SLFN12L: variants seen among roughly 807,000 people sequenced by gnomAD.
The protein encoded by SLFN12L is schlafen family member 12 like.
SLFN12L carries 34 observed loss-of-function variants against 34.8 expected under a neutral mutation model. The ratio of observed to expected loss-of-function variants is 0.98; its 90% CI spans 0.74 to 1.30. SLFN12L has a LOEUF of 1.30. Among genes scored for constraint, SLFN12L ranks in the 50% most tolerant of loss-of-function variants. SLFN12L has a pLI of 0.00. For missense variants in SLFN12L, 703 were observed against 696.2 expected (o/e 1.01, Z -0.11); for synonymous variants, 259 against 247.5 (o/e 1.05, Z -0.44).
At chr17:35,512,100 G>A (rs1174110782) in intron 2 of SLFN12L, among the ~76,000 whole-genome samples, 1 of 151,668 alleles carries the variant, frequency 6.6e-6, no homozygotes, top group Non-Finnish European at 1.5e-5. Context: ...GTTAAGATGG[G>A]AACAGAAAGT....
chr17:35,481,867 T>C (rs1314620484), intron 2 of SLFN12L, among the ~76,000 whole-genome samples: 2 of 152,196 alleles, frequency 1.3e-5, no homozygotes, highest in African/African-American at 4.8e-5. Flanking sequence ...TTTGTTTTTG[T>C]TTTTGTTTTT....
Position 35,476,201 on chromosome 17 carries a change from C to G in SLFN12L, c.1277-716G>C, listed in dbSNP as rs572677861. Among the ~76,000 whole-genome samples, 63 of 152,072 alleles carry G rather than the reference C, an allele frequency of 4.1e-4. No homozygotes were observed. The South Asian group carries it at 0.012, about 28-fold the overall frequency. On this transcript the variant is annotated intron_variant, in intron 4 of 4. Coordinates refer to ENST00000628453, the MANE Select transcript of SLFN12L (RefSeq NM_001363830.2). ...GCCAGAGGAGCTGGGATTTCAGAAA[C>G]AAAATCCCAGAGAAGATGAAACTGA...
chr17:35,478,393 C>G (rs1294300629), intron 3 of SLFN12L: 1 of 372,550 alleles, frequency 2.7e-6, no homozygotes, highest in African/African-American at 2.2e-5. Flanking sequence ...TGCTGAAACA[C>G]TCTATACTTG....
chr17:35,476,750 C>A, intron 4 of SLFN12L, among the ~76,000 whole-genome samples: 1 of 145,712 alleles, frequency 6.9e-6, no homozygotes, highest in Non-Finnish European at 1.5e-5. Flanking sequence ...AACAAAACTT[C>A]AAAAGAGTAA....
intron 2 of SLFN12L, among the ~76,000 whole-genome samples, chr17:35,515,581 G>A (rs1000762481): frequency 7.3e-5 from 11 of 150,016 alleles, no homozygotes; most frequent in Admixed American, 7.3e-4. Flanking sequence ...CCATCCTTTC[G>A]CCTCAGCCTT....
At chr17:35,508,498 C>T (rs1915538169) in intron 2 of SLFN12L, among the ~76,000 whole-genome samples, 1 of 152,172 alleles carries the variant, frequency 6.6e-6, no homozygotes, top group South Asian at 2.1e-4. Flanking sequence ...AGACACCCGC[C>T]ACCATGCTGA....
In SLFN12L at chr17:35,468,669, C is replaced by T. The variant is rs1379411574; in HGVS notation, c.*6254G>A. 3.9e-5 allele frequency among the ~76,000 whole-genome samples: 6 copies of T among 152,194 alleles called. No homozygotes were observed. Among genetic ancestry groups the T allele is most frequent in the African/African-American group, 1.4e-4 (6 of 41,430 alleles). On this transcript the variant is annotated 3_prime_UTR_variant, in exon 5 of 5. Transcript: ENST00000628453. ...GCTCTCTGCCAAAACATACACCCCGCACTCCTATGCCTGAAGGAAAATTTA... is the reference window on the plus strand; with the variant it reads ...GCTCTCTGCCAAAACATACACCCCGTACTCCTATGCCTGAAGGAAAATTTA...
At chr17:35,514,602 G>A (rs981382154) in intron 2 of SLFN12L, among the ~76,000 whole-genome samples, 2 of 152,108 alleles carry the variant, frequency 1.3e-5, no homozygotes, top group Admixed American at 1.3e-4. Context: ...TTTTCACTGG[G>A]AAAAATAAAT....
rs777900276 is a variant in SLFN12L, at chr17:35,522,337, A to T, written c.28T>A (p.Cys10Ser). 3.7e-6 allele frequency: 6 copies of T among 1,614,228 alleles called. No homozygotes were observed. In the South Asian group the frequency reaches 5.5e-5, roughly 15 times the overall value. Residue 10 changes from cysteine to serine, a missense_variant, in exon 2 of 5, where the codon TGT becomes AGT. Physicochemically the swap from Cys to Ser is moderately radical, Grantham distance 112 (BLOSUM62 -1). Transcript: ENST00000628453. MEKIRNVFH[C>S]EAHRILYICE... ...ATGTAGAGAATTCTGTGTGCCTCAC[A>T]GTGAAACACATTCCTGATCTTCTCC...
At chr17:35,504,620 T>C (rs1915408034) in intron 2 of SLFN12L, among the ~76,000 whole-genome samples, 1 of 152,172 alleles carries the variant, frequency 6.6e-6, no homozygotes, top group Admixed American at 6.5e-5. Context: ...TTTTCCAGGA[T>C]TCTACAGCCT....
intron 2 of SLFN12L, chr17:35,498,236 G>T: frequency 1.3e-6 from 1 of 774,284 alleles, no homozygotes; most frequent in South Asian, 1.4e-5. Flanking sequence ...TGCGTACCGA[G>T]GAGATCCAGA....
Position 35,465,826 on chromosome 17 carries a change from C to T in SLFN12L, c.*9097G>A, listed in dbSNP as rs886909900. Among the ~76,000 whole-genome samples, 1 of 150,856 alleles carries T rather than the reference C, an allele frequency of 6.6e-6. No homozygotes were observed. The highest frequency in any genetic ancestry group is 2.4e-5 in the African/African-American group (1 of 40,936). ...CTGCTAAATACTCTGTTCTTACAGACTTGGCTAATATGTTCAATATGTTCA... is the reference window on the plus strand; with the variant it reads ...CTGCTAAATACTCTGTTCTTACAGATTTGGCTAATATGTTCAATATGTTCA... On this transcript the variant is annotated 3_prime_UTR_variant, in exon 5 of 5. Transcript: ENST00000628453.
At position 35,496,462 on chromosome 17, in the gene SLFN12L, T is replaced by C. The variant is rs570394669; in HGVS notation, c.87-16267A>G. Among the ~76,000 whole-genome samples, 30 of 152,222 alleles carry C rather than the reference T, an allele frequency of 2.0e-4. No homozygotes were observed. In the South Asian group the frequency reaches 6.2e-3, roughly 32 times the overall value. ...GAGAATGAAGCCCCGCGTTTCCTCC[T>C]GGACAAGTTTCCCTCCCTCCCTACC... is the stretch of plus-strand genomic sequence containing the variant. On this transcript the variant is annotated intron_variant, in intron 2 of 4. Coordinates refer to ENST00000628453, the MANE Select transcript of SLFN12L (RefSeq NM_001363830.2).
chr17:35,488,927 G>T (rs1215732861), intron 2 of SLFN12L, among the ~76,000 whole-genome samples: 1 of 151,808 alleles, frequency 6.6e-6, no homozygotes, highest in Non-Finnish European at 1.5e-5. Flanking sequence ...AAAATTAGCC[G>T]GGCGTGGTGG....
rs926366161 is a variant in SLFN12L at position 35,490,306 on chromosome 17, A to C, written c.87-10111T>G. On this transcript the variant is annotated intron_variant, in intron 2 of 4. Coordinates refer to ENST00000628453, the MANE Select transcript of SLFN12L (RefSeq NM_001363830.2). ...AGGGCAAAGGAAGAGCTGCACTAAG[A>C]AGTCCAGATACTCCAAAAACTCCAA... is the stretch of plus-strand genomic sequence containing the variant. The C allele has an allele frequency of 1.4e-4, 199 of 1,457,540 alleles. 1 individual carries two copies. The highest frequency in any genetic ancestry group is 1.4e-3 in the South Asian group (119 of 87,766). The allele number at this position is 1,457,540 out of a possible 1,614,324, so 90.3% of individuals were successfully genotyped here. A position where few individuals can be genotyped will look rare whatever the true frequency, so the allele number is the denominator to read the frequency against.
chr17:35,495,686 C>A (rs1915030826), intron 2 of SLFN12L, among the ~76,000 whole-genome samples: 1 of 151,396 alleles, frequency 6.6e-6, no homozygotes, highest in Admixed American at 6.6e-5. Flanking sequence ...ACCCCACCCC[C>A]ACCAGTCCGA....
rs758827168 is a variant in SLFN12L, at chr17:35,475,580, CA to C, written c.1277-96del. On this transcript the variant is annotated intron_variant, in intron 4 of 4. Transcript: ENST00000628453. Reference sequence around the variant, plus strand: ...GCTTGTATTAGATTAATTCTCCCACCAAAAGCAACTATAAAAGCTATGTAAA... The same window carrying C: ...GCTTGTATTAGATTAATTCTCCCACCAAAGCAACTATAAAAGCTATGTAAA... 7 of 1,444,082 alleles carry C rather than the reference CA, an allele frequency of 4.8e-6. No homozygotes were observed. The East Asian group carries it at 7.4e-5, about 15-fold the overall frequency. 89.5% of individuals were successfully genotyped at this position (1,444,082 alleles called of 1,614,324 possible). A position where few individuals can be genotyped will look rare whatever the true frequency, so the allele number is the denominator to read the frequency against.
chr17:35,486,383 T>A (rs1438640869), intron 2 of SLFN12L, among the ~76,000 whole-genome samples: 1 of 152,072 alleles, frequency 6.6e-6, no homozygotes, highest in African/African-American at 2.4e-5. Flanking sequence ...AAATCACATC[T>A]CACCCTCAGA....
Position 35,530,542 on chromosome 17 carries a change from G to A in SLFN12L, c.-606+7031C>T, listed in dbSNP as rs981283113. 1.9e-4 allele frequency among the ~76,000 whole-genome samples: 2 copies of A among 10,638 alleles called. 1 individual carries two copies. The highest frequency in any genetic ancestry group is 1.1e-3 in the Non-Finnish European group (2 of 1,750). The allele number at this position is 10,638 out of a possible 152,430, so 7.0% of individuals were successfully genotyped here. A position where few individuals can be genotyped will look rare whatever the true frequency, so the allele number is the denominator to read the frequency against. ...GAAAAGAAAAGAAAAGAAAAGAAAA[G>A]AAAGAAAGAAAGAAAGAGAAAGGGA... On this transcript the variant is annotated intron_variant, in intron 1 of 4. Coordinates refer to ENST00000628453, the MANE Select transcript of SLFN12L (RefSeq NM_001363830.2).
Sources: allele counts gnomAD v4.1 joint callset (sites outside exome capture counted in the v4.1 genomes callset), GRCh38; gene constraint gnomAD v4.1.1; transcripts MANE v1.5; gene names NCBI Gene and HGNC (gene_info 2026-07-23, HGNC 2026-07-21).